PAH: variants seen among roughly 807,000 people sequenced by gnomAD.
PAH encodes the protein phenylalanine hydroxylase.
PAH carries 64 observed loss-of-function variants against 62.0 expected under a neutral mutation model. The observed-to-expected ratio is 1.03, with a 90% CI of 0.84 to 1.27. PAH has a LOEUF of 1.27. Ranked by LOEUF, PAH falls within the 50% of genes most tolerant of loss-of-function variation. The pLI is 0.00. For synonymous variants in PAH, 195 were observed against 196.2 expected, an observed-to-expected ratio of 0.99 and a Z score of 0.05; for missense variants, 579 against 542.8, an observed-to-expected ratio of 1.07 and a Z score of -0.66.
intron 3 of PAH, among the ~76,000 whole-genome samples, chr12:102,894,247 A>G (rs996340388): frequency 1.3e-5 from 2 of 152,166 alleles, no homozygotes; most frequent in Non-Finnish European, 2.9e-5. Flanking sequence ...TGAAAATTAG[A>G]TACTACTTAT....
chr12:102,901,559 A>G (rs1474461209), intron 2 of PAH, among the ~76,000 whole-genome samples: 1 of 152,002 alleles, frequency 6.6e-6, no homozygotes, highest in Admixed American at 6.6e-5. Flanking sequence ...TTATCCTTCA[A>G]TATTTGTTTT....
chr12:102,923,485 A>G (rs1192927189), intron 1 of PAH: 2 of 152,216 alleles, frequency 1.3e-5, no homozygotes, highest in East Asian at 3.8e-4. Flanking sequence ...TGCTTGAACC[A>G]AGAACATTTA....
rs1592944173 is a variant in PAH at position 102,837,981 on chromosome 12, C to T, written c.*1194G>A. ...GATGATACTACAGCTGTTCTGAGAA[C>T]TAAACTCAAAGAAACACTATGCAAA... On this transcript the variant is annotated 3_prime_UTR_variant, in exon 13 of 13. Coordinates refer to ENST00000553106, the MANE Select transcript of PAH (RefSeq NM_000277.3). 1 of 152,186 alleles carries T rather than the reference C, an allele frequency of 6.6e-6. No individual in the cohort carries two copies. The highest frequency in any genetic ancestry group is 2.1e-4 in the South Asian group (1 of 4,832). The allele number at this position is 152,186 out of a possible 1,614,324, so 9.4% of individuals were successfully genotyped here. A position where few individuals can be genotyped will look rare whatever the true frequency, so the allele number is the denominator to read the frequency against.
At chr12:102,951,091 C>T (rs1004208626), upstream of PAH, among the ~76,000 whole-genome samples, 4 of 152,154 alleles carry the variant, frequency 2.6e-5, no homozygotes, top group Non-Finnish European at 5.9e-5. Context: ...CTTCTTCCCT[C>T]CTATATGCAA....
chr12:102,946,162 C>G (rs1879486240), intron 1 of PAH: 1 of 152,298 alleles, frequency 6.6e-6, no homozygotes, highest in African/African-American at 2.4e-5. Context: ...ATTCCTCCCT[C>G]TCCTTTCCTC....
At chr12:102,888,556 G>A (rs1470997335) in intron 3 of PAH, among the ~76,000 whole-genome samples, 1 of 149,848 alleles carries the variant, frequency 6.7e-6, no homozygotes, top group Non-Finnish European at 1.5e-5. Context: ...ATGGGCTGCA[G>A]AAATAGCATT....
intron 3 of PAH, among the ~76,000 whole-genome samples, chr12:102,886,848 T>C (rs1407990871): frequency 2.0e-5 from 3 of 152,124 alleles, no homozygotes; most frequent in Non-Finnish European, 2.9e-5. Context: ...TATTGCATCC[T>C]ATCATGTGGC....
intron 3 of PAH, among the ~76,000 whole-genome samples, chr12:102,882,621 A>G (rs988827466): frequency 7.0e-6 from 1 of 142,488 alleles, no homozygotes; most frequent in African/African-American, 2.6e-5. Flanking sequence ...ATATATCTGT[A>G]TATATATGCA....
At chr12:102,866,252 A>T (rs1317873935) in intron 5 of PAH, among the ~76,000 whole-genome samples, 3 of 152,152 alleles carry the variant, frequency 2.0e-5, no homozygotes, top group Non-Finnish European at 4.4e-5. Context: ...TCCCTGTTTA[A>T]TGTAGAGAAG....
chr12:102,856,708 C>A (rs1320586848), intron 5 of PAH, among the ~76,000 whole-genome samples: 1 of 152,258 alleles, frequency 6.6e-6, no homozygotes, highest in Non-Finnish European at 1.5e-5. Flanking sequence ...CCGCTGCTGA[C>A]ACCCAGGCAA....
intron 2 of PAH, among the ~76,000 whole-genome samples, chr12:102,908,614 T>C (rs1026944072): frequency 8.6e-5 from 13 of 151,718 alleles, no homozygotes; most frequent in African/African-American, 3.2e-4. Flanking sequence ...ATAGAAATGA[T>C]AGCACAGAGT....
chr12:102,928,479 T>C (rs1442558364), intron 1 of PAH, among the ~76,000 whole-genome samples: 1 of 152,084 alleles, frequency 6.6e-6, no homozygotes, highest in Non-Finnish European at 1.5e-5. Context: ...CATTATCTTT[T>C]CCCTCTGGTT....
At chr12:102,923,665 T>A (rs1878612664) in intron 1 of PAH, 4 of 152,202 alleles carry the variant, frequency 2.6e-5, no homozygotes, top group Admixed American at 2.6e-4. Context: ...TTGTACATAT[T>A]TAAAAGTAAT....
At chr12:102,951,382 GA>G (rs1194439690), upstream of PAH, among the ~76,000 whole-genome samples, 1 of 152,188 alleles carries the variant, frequency 6.6e-6, no homozygotes, top group Non-Finnish European at 1.5e-5. Context: ...GGTCTATCTG[GA>G]ATGGCTTCTC....
chr12:102,849,060 G>C (rs1272873760), intron 8 of PAH, among the ~76,000 whole-genome samples: 1 of 152,298 alleles, frequency 6.6e-6, no homozygotes, highest in South Asian at 2.1e-4. Flanking sequence ...CCACTGAGGA[G>C]GCTACCGCAG....
At chr12:102,958,118 C>T (rs1879983454) in intron 1 of PAH, 3 of 642,584 alleles carry the variant, frequency 4.7e-6, no homozygotes, top group Non-Finnish European at 6.9e-6. Flanking sequence ...TCAGGGCTCC[C>T]GCTTCATATT....
At chr12:102,931,750 C>T (rs985906954) in intron 1 of PAH, among the ~76,000 whole-genome samples, 28 of 152,054 alleles carry the variant, frequency 1.8e-4, no homozygotes, top group African/African-American at 3.6e-4. Context: ...TGCCCTCTTG[C>T]GAAAAGGAAT....
At chr12:102,947,840 A>G (rs1879565839) in intron 1 of PAH, among the ~76,000 whole-genome samples, 1 of 152,204 alleles carries the variant, frequency 6.6e-6, no homozygotes, top group African/African-American at 2.4e-5. Context: ...CTGAGTCCCA[A>G]GATCTGCAGT....
chr12:102,948,964 C>T (rs1349645340), intron 1 of PAH, among the ~76,000 whole-genome samples: 1 of 152,108 alleles, frequency 6.6e-6, no homozygotes, highest in Non-Finnish European at 1.5e-5. Flanking sequence ...GGAATAGAAT[C>T]AAGTAGTCCT....
Sources: allele counts gnomAD v4.1 joint callset (sites outside exome capture counted in the v4.1 genomes callset), GRCh38; gene constraint gnomAD v4.1.1; transcripts MANE v1.5; gene names NCBI Gene and HGNC (gene_info 2026-07-23, HGNC 2026-07-21).